Variants in SORCS3 observed in about 807,000 individuals in gnomAD.
SORCS3 encodes sortilin related VPS10 domain containing receptor 3, also known as VPS10 domain-containing receptor SorCS3.
In SORCS3, 57 loss-of-function variants were observed where a neutral mutation model predicts 146.3. That is an observed-to-expected ratio of 0.39 (90% CI 0.31 to 0.49). The LOEUF is 0.49. Among genes scored for constraint, SORCS3 ranks in the 20% least tolerant of loss-of-function variants. The probability of loss-of-function intolerance (pLI) is 0.92; values close to 1 mark genes in which losing one functional copy is unlikely to be tolerated. For synonymous variants in SORCS3, 653 were observed against 618.5 expected (o/e 1.06, Z -0.83); for missense variants, 1,341 against 1,575.5 (o/e 0.85, Z 2.52).
intron 1 of SORCS3, among the ~76,000 whole-genome samples, chr10:104,715,145 GAAA>G (rs2016461292): frequency 6.6e-6 from 1 of 152,148 alleles, no homozygotes; most frequent in East Asian, 1.9e-4. Flanking sequence ...AGATAGCTGG[GAAA>G]ACATTATTTC....
intron 14 of SORCS3, among the ~76,000 whole-genome samples, chr10:105,182,244 T>G (rs2119571031): frequency 6.8e-6 from 1 of 147,152 alleles, no homozygotes; most frequent in East Asian, 2.0e-4. Context: ...TTTTTTTTTT[T>G]TTTTTTTTTG....
chr10:104,814,737 A>G (rs2017778076), intron 1 of SORCS3, among the ~76,000 whole-genome samples: 1 of 152,252 alleles, frequency 6.6e-6, no homozygotes. Context: ...TATCATTTGC[A>G]TCATTAGGAC....
At chr10:105,131,933 C>T (rs2056022340) in intron 7 of SORCS3, among the ~76,000 whole-genome samples, 1 of 152,150 alleles carries the variant, frequency 6.6e-6, no homozygotes, top group South Asian at 2.1e-4. Flanking sequence ...CCACCTCCAA[C>T]ATTGGGGATT....
At chr10:104,988,328 G>A (rs1403288521) in intron 4 of SORCS3, among the ~76,000 whole-genome samples, 6 of 152,114 alleles carry the variant, frequency 3.9e-5, no homozygotes, top group Non-Finnish European at 7.3e-5. Flanking sequence ...AACAAAATCA[G>A]CCATGTGGAA....
At chr10:104,895,617 A>G (rs1564708041) in intron 2 of SORCS3, among the ~76,000 whole-genome samples, 2 of 152,282 alleles carry the variant, frequency 1.3e-5, no homozygotes, top group Middle Eastern at 3.4e-3. Flanking sequence ...GTGCAAGAAT[A>G]TAATGATTCC....
At chr10:105,239,577 G>C (rs960950068) in intron 20 of SORCS3, among the ~76,000 whole-genome samples, 1 of 152,132 alleles carries the variant, frequency 6.6e-6, no homozygotes, top group African/African-American at 2.4e-5. Flanking sequence ...GATTCTCTGT[G>C]GGGAGGGATG....
At chr10:105,002,962 C>T (rs1462969089) in intron 4 of SORCS3, among the ~76,000 whole-genome samples, 13 of 152,160 alleles carry the variant, frequency 8.5e-5, no homozygotes, top group Admixed American at 3.9e-4. Flanking sequence ...GTAATACTGA[C>T]AACTACCCTA....
intron 1 of SORCS3, among the ~76,000 whole-genome samples, chr10:104,684,771 T>C (rs1442353486): frequency 7.4e-6 from 1 of 135,158 alleles, no homozygotes; most frequent in African/African-American, 2.7e-5. Context: ...GGTTGGAAAG[T>C]CCTCAGTGTT....
intron 4 of SORCS3, among the ~76,000 whole-genome samples, chr10:105,036,785 T>G (rs183279605): frequency 3.6e-4 from 55 of 152,308 alleles, no homozygotes; most frequent in Non-Finnish European, 6.9e-4. Flanking sequence ...TACTCTACAC[T>G]TGTGCCTCCA....
intron 1 of SORCS3, among the ~76,000 whole-genome samples, chr10:104,708,618 G>A (rs1012301481): frequency 2.0e-5 from 3 of 152,152 alleles, no homozygotes; most frequent in African/African-American, 7.2e-5. Flanking sequence ...GGGGAGTTGG[G>A]TCATAAATCC....
intron 2 of SORCS3, among the ~76,000 whole-genome samples, chr10:104,862,972 A>T (rs1024228184): frequency 6.6e-6 from 1 of 152,332 alleles, no homozygotes; most frequent in East Asian, 1.9e-4. Context: ...ATTGTCGAGG[A>T]AGCTGTGACA....
chr10:104,823,398 T>C (rs1459159937), intron 1 of SORCS3, among the ~76,000 whole-genome samples: 2 of 152,020 alleles, frequency 1.3e-5, no homozygotes, highest in African/African-American at 4.8e-5. Context: ...CTGAGACACC[T>C]TTTTTTTCCT....
intron 4 of SORCS3, among the ~76,000 whole-genome samples, chr10:104,986,866 GATC>G (rs1194349145): frequency 1.3e-5 from 2 of 152,144 alleles, no homozygotes; most frequent in Non-Finnish European, 2.9e-5. Flanking sequence ...ACTGATCACA[GATC>G]ATCATAACAG....
At chr10:105,206,200 TA>T (rs2056601114) in intron 16 of SORCS3, among the ~76,000 whole-genome samples, 1 of 152,144 alleles carries the variant, frequency 6.6e-6, no homozygotes, top group Non-Finnish European at 1.5e-5. Flanking sequence ...ACAAACTTTA[TA>T]AAATATACAA....
chr10:104,915,214 C>T (rs573793104), intron 2 of SORCS3, among the ~76,000 whole-genome samples: 2 of 152,154 alleles, frequency 1.3e-5, no homozygotes, highest in South Asian at 2.1e-4. Flanking sequence ...CCTCTGTAAG[C>T]AGCCCAGTGC....
chr10:105,010,490 A>T (rs935478627), intron 4 of SORCS3, among the ~76,000 whole-genome samples: 1 of 152,212 alleles, frequency 6.6e-6, no homozygotes, highest in Non-Finnish European at 1.5e-5. Context: ...CATTCTGAAG[A>T]TTATATACCT....
intron 1 of SORCS3, among the ~76,000 whole-genome samples, chr10:104,742,275 T>C (rs550706461): frequency 6.6e-6 from 1 of 152,328 alleles, no homozygotes; most frequent in African/African-American, 2.4e-5. Flanking sequence ...TTCATCTCCT[T>C]AGCAGAAAAG....
At chr10:104,985,655 T>C (rs1236193559) in intron 4 of SORCS3, among the ~76,000 whole-genome samples, 3 of 152,186 alleles carry the variant, frequency 2.0e-5, no homozygotes, top group Non-Finnish European at 2.9e-5. Flanking sequence ...CTTAAAATAA[T>C]AAGACTTGAA....
At chr10:105,180,311 T>A (rs2056435467) in intron 14 of SORCS3, among the ~76,000 whole-genome samples, 1 of 152,198 alleles carries the variant, frequency 6.6e-6, no homozygotes, top group African/African-American at 2.4e-5. Flanking sequence ...AACCATATAA[T>A]AGAGAATGAA....
Sources: allele counts gnomAD v4.1 joint callset (sites outside exome capture counted in the v4.1 genomes callset), GRCh38; gene constraint gnomAD v4.1.1; transcripts MANE v1.5; gene names NCBI Gene and HGNC (gene_info 2026-07-23, HGNC 2026-07-21).